TANC2: variants seen among roughly 807,000 people sequenced by gnomAD.
The protein encoded by TANC2 is tetratricopeptide repeat, ankyrin repeat and coiled-coil containing 2, also known as protein TANC2.
In TANC2, 26 loss-of-function variants were observed where a neutral mutation model predicts 210.5. The ratio of observed to expected loss-of-function variants is 0.12; its 90% CI spans 0.09 to 0.17. TANC2 has a LOEUF of 0.17. TANC2 is among the 10% of genes least tolerant of loss of function. TANC2 has a pLI of 1.00. For synonymous variants in TANC2, 931 were observed against 967.1 expected, an observed-to-expected ratio of 0.96 and a Z score of 0.69; for missense variants, 2,129 against 2,608.9, an observed-to-expected ratio of 0.82 and a Z score of 4.01.
intron 9 of TANC2, among the ~76,000 whole-genome samples, chr17:63,285,229 T>C (rs1393348894): frequency 6.6e-6 from 1 of 152,146 alleles, no homozygotes; most frequent in Non-Finnish European, 1.5e-5. Context: ...TTTTTTTTAA[T>C]TAGGGGAGGT....
At chr17:63,243,054 G>A (rs1259983239) in intron 8 of TANC2, among the ~76,000 whole-genome samples, 2 of 152,162 alleles carry the variant, frequency 1.3e-5, no homozygotes, top group Admixed American at 6.6e-5. Flanking sequence ...CTATTGCTCT[G>A]AGTAAAAAAC....
chr17:63,389,660 GGA>G (rs1453884244), intron 17 of TANC2, 116 bp downstream of exon 17: 1 of 1,021,022 alleles, frequency 9.8e-7, no homozygotes, highest in East Asian at 2.6e-5. Flanking sequence ...AAACCATGAT[GGA>G]GAGGAGATCA....
rs183678910 is a variant in TANC2, at chr17:63,351,655, A to G, written c.1974+239A>G. On this transcript the variant is annotated intron_variant, in intron 13 of 27. Transcript: ENST00000689528. Reference sequence around the variant, plus strand: ...TGAGGTTTAATAAAATGTTCCTCAAAATAGCATGAAAAGAAAGTCAATTTT... The same window carrying G: ...TGAGGTTTAATAAAATGTTCCTCAAGATAGCATGAAAAGAAAGTCAATTTT... Among the ~76,000 whole-genome samples the G allele has an allele frequency of 2.2e-3, 332 of 152,292 alleles. 1 individual carries two copies. Among genetic ancestry groups the G allele is most frequent in the African/African-American group, 7.3e-3 (302 of 41,578 alleles).
chr17:63,211,519 A>T (rs1400657834), intron 7 of TANC2, among the ~76,000 whole-genome samples: 1 of 151,770 alleles, frequency 6.6e-6, no homozygotes, highest in Admixed American at 6.6e-5. Context: ...TTTATCGTAA[A>T]TCCAGCTGAG....
intron 2 of TANC2, among the ~76,000 whole-genome samples, chr17:63,071,143 T>C (rs1403551952): frequency 6.6e-6 from 1 of 152,212 alleles, no homozygotes; most frequent in Non-Finnish European, 1.5e-5. Context: ...GAGCAGCTTT[T>C]TTCTTGAATT....
chr17:63,314,324 C>A, intron 9 of TANC2, 64 bp from the exon 10 acceptor site: 1 of 1,566,598 alleles, frequency 6.4e-7, no homozygotes, highest in Non-Finnish European at 8.7e-7. Flanking sequence ...TGCATTTTTT[C>A]TCTCTTTGTT....
chr17:63,050,215 A>G (rs1354388181), intron 2 of TANC2, among the ~76,000 whole-genome samples: 3 of 152,014 alleles, frequency 2.0e-5, no homozygotes, highest in African/African-American at 7.2e-5. Flanking sequence ...CCTCCAAAAT[A>G]AAAATTAGCC....
chr17:63,073,556 G>A (rs934922003), intron 2 of TANC2, among the ~76,000 whole-genome samples: 10 of 152,112 alleles, frequency 6.6e-5, no homozygotes, highest in Non-Finnish European at 1.3e-4. Flanking sequence ...GGGATTATTT[G>A]ATGTGCTGTT....
intron 14 of TANC2, among the ~76,000 whole-genome samples, chr17:63,370,469 C>T (rs184916086): frequency 9.9e-5 from 15 of 152,066 alleles, no homozygotes; most frequent in East Asian, 3.9e-4. Flanking sequence ...TGAGCCACCA[C>T]GCCCGGCCTC....
Position 63,418,222 on chromosome 17 carries a change from A to C in TANC2, c.4168-85A>C. On this transcript the variant is annotated intron_variant, in intron 26 of 27. Transcript: ENST00000689528. The surrounding 1 kb of genome is among the most constrained non-coding windows in gnomAD (Gnocchi z 4.6). ...GCGTTCCATCCATGAATGTCAAAAA[A>C]TGTACAAATAATTTGTTTTATTCCC... The C allele has an allele frequency of 7.2e-7, 1 of 1,396,104 alleles. No homozygotes were observed. The highest frequency in any genetic ancestry group is 1.3e-5 in the South Asian group (1 of 78,820). The allele number at this position is 1,396,104 out of a possible 1,614,324, so 86.5% of individuals were successfully genotyped here.
intron 3 of TANC2, among the ~76,000 whole-genome samples, chr17:63,083,216 A>G (rs367586162): frequency 7.9e-5 from 12 of 152,210 alleles, no homozygotes; most frequent in Non-Finnish European, 1.6e-4. Context: ...GAGCCATGAC[A>G]TAACTACTCT....
intron 3 of TANC2, among the ~76,000 whole-genome samples, chr17:63,082,097 G>C (rs1246938574): frequency 6.6e-6 from 1 of 152,202 alleles, no homozygotes; most frequent in Non-Finnish European, 1.5e-5. Context: ...CATGAACCCG[G>C]GAGGCGGAGC....
chr17:63,315,844 T>G (rs1162761636), intron 10 of TANC2, among the ~76,000 whole-genome samples: 1 of 152,208 alleles, frequency 6.6e-6, no homozygotes, highest in African/African-American at 2.4e-5. Context: ...GTGGAAGAAC[T>G]GGTGTCTTGG....
chr17:63,224,370 G>A (rs896957212), intron 7 of TANC2, among the ~76,000 whole-genome samples: 3 of 150,352 alleles, frequency 2.0e-5, no homozygotes, highest in Non-Finnish European at 4.4e-5. Flanking sequence ...TTCCACCTCC[G>A]TCTCCCAAGT....
rs556443016 is a variant in TANC2 at position 63,336,148 on chromosome 17, A to G, written c.1576-3953A>G. On this transcript the variant is annotated intron_variant, in intron 11 of 27. Transcript: ENST00000689528. The stretch of plus-strand genomic sequence containing the variant: ...CAAGTCCCAAAAATATTAAAAATCA[A>G]ACTTTAGAGTTGGAAGGGTTTTGCT... Among the ~76,000 whole-genome samples the G allele has an allele frequency of 2.6e-5, 4 of 152,310 alleles. No individual in the cohort carries two copies. The South Asian group carries it at 8.3e-4, about 32-fold the overall frequency.
chr17:63,179,243 A>G (rs2040694132), intron 5 of TANC2, among the ~76,000 whole-genome samples: 1 of 152,246 alleles, frequency 6.6e-6, no homozygotes, highest in African/African-American at 2.4e-5. Context: ...AGATAAAAAT[A>G]TATTAAGTAG....
rs1444676210 is a variant in TANC2, at chr17:63,085,558, AC to A, written c.139+11545del. Among the ~76,000 whole-genome samples, 9 of 152,238 alleles carry A rather than the reference AC, an allele frequency of 5.9e-5. No individual in the cohort carries two copies. The East Asian group carries it at 1.7e-3, about 29-fold the overall frequency. ...TAAGTTCACTTTCAAATAATACTGTACTATTTCACAGGTAGTACAGATACTG... is the reference window on the plus strand; with the variant it reads ...TAAGTTCACTTTCAAATAATACTGTATATTTCACAGGTAGTACAGATACTG... On this transcript the variant is annotated intron_variant, in intron 3 of 27. Transcript: ENST00000689528.
At chr17:63,232,876 A>G (rs183850218) in intron 7 of TANC2, among the ~76,000 whole-genome samples, 3,150 of 152,318 alleles carry the variant, frequency 0.021, 42 homozygotes, top group South Asian at 0.038. Context: ...CCGCTGATCA[A>G]CCGAGACTGC....
In TANC2 at chr17:63,395,808, G is replaced by A. The variant is rs995020079; in HGVS notation, c.3117G>A (p.Glu1039=). ...ATGCTGCACTCCGAGGTCATCTGGA[G>A]GTTGTCAAGTTTTTGATTCAGTGTG... Residue 1039 remains glutamate, a synonymous_variant, in exon 18 of 28, where the codon GAG becomes GAA. Transcript: ENST00000689528. 3.1e-6 allele frequency: 5 copies of A among 1,613,428 alleles called. No individual in the cohort carries two copies. The African/African-American group carries it at 5.3e-5, about 17-fold the overall frequency.
Sources: gnomAD v4.1 joint callset for allele counts (sites outside exome capture counted in the v4.1 genomes callset) on GRCh38, gnomAD v4.1.1 for gene constraint, Gnocchi (gnomAD v3.1) non-coding constraint, MANE v1.5 for transcripts, NCBI Gene and HGNC (gene_info 2026-07-23, HGNC 2026-07-21) for gene names.